Variants in CCPG1 observed in about 807,000 individuals in gnomAD.
CCPG1 encodes the protein cell cycle progression 1, also known as cell cycle progression protein 1.
Under a neutral mutation model 81.3 loss-of-function variants are expected in CCPG1, and 46 were observed. That is an observed-to-expected ratio of 0.57 (90% CI 0.45 to 0.72). The LOEUF is 0.72. Ranked by LOEUF, CCPG1 falls within the 30% of genes least tolerant of loss-of-function variation. The pLI is 0.00. For synonymous variants in CCPG1, 330 were observed against 305.2 expected, an observed-to-expected ratio of 1.08 and a Z score of -0.85; for missense variants, 902 against 937.6, an observed-to-expected ratio of 0.96 and a Z score of 0.50.
intron 3 of CCPG1, among the ~76,000 whole-genome samples, chr15:55,379,851 C>A (rs1346356990): frequency 1.3e-5 from 2 of 151,868 alleles, no homozygotes; most frequent in East Asian, 1.9e-4. Flanking sequence ...GTAATCCCAG[C>A]AGTTTGGGAG....
intron 3 of CCPG1, among the ~76,000 whole-genome samples, chr15:55,379,528 A>G (rs1475874783): frequency 6.6e-6 from 1 of 151,992 alleles, no homozygotes; most frequent in African/African-American, 2.4e-5. Context: ...CTATGTCTCA[A>G]AAAAAAGTCA....
In CCPG1 at chr15:55,355,343, A is replaced by T. The variant is rs1207809912; in HGVS notation, c.*877T>A. On this transcript the variant is annotated 3_prime_UTR_variant, in exon 9 of 9. Transcript: ENST00000442196. ...TAAAAGAACTGCTGTTTTCTTCCAC[A>T]CTCACTTGCCAGAGGGTCGAATTGG... 2.5e-6 allele frequency: 4 copies of T among 1,610,728 alleles called. No individual in the cohort carries two copies. The East Asian group carries it at 8.9e-5, about 36-fold the overall frequency.
intron 6 of CCPG1, 58 bp from the exon 7 acceptor site, chr15:55,365,367 A>C (rs2056300525): frequency 2.9e-6 from 3 of 1,034,462 alleles, no homozygotes; most frequent in South Asian, 1.5e-5. Flanking sequence ...TAAATGTTTT[A>C]TGTATTTTTT....
At chr15:55,394,093 A>G in intron 1 of CCPG1, among the ~76,000 whole-genome samples, 1 of 152,268 alleles carries the variant, frequency 6.6e-6, no homozygotes, top group South Asian at 2.1e-4. Flanking sequence ...AGGTTCAAGT[A>G]GATGCTCCCA....
At chr15:55,404,358 G>T (rs2057177977) in intron 1 of CCPG1, among the ~76,000 whole-genome samples, 1 of 152,102 alleles carries the variant, frequency 6.6e-6, no homozygotes, top group Non-Finnish European at 1.5e-5. Context: ...AAAGAAAAAT[G>T]TACTGTATAT....
chr15:55,381,485 T>C (rs2056694878), intron 3 of CCPG1, among the ~76,000 whole-genome samples: 1 of 152,088 alleles, frequency 6.6e-6, no homozygotes, highest in African/African-American at 2.4e-5. Flanking sequence ...TGCAAGTAAA[T>C]GCATTTCTTG....
At chr15:55,358,191 A>T in intron 8 of CCPG1, 1 of 222,008 alleles carries the variant, frequency 4.5e-6, no homozygotes, top group Non-Finnish European at 7.6e-6. Flanking sequence ...TTCTCAAGAG[A>T]AATAAAAGTA....
At chr15:55,380,805 G>A (rs1020525660) in intron 3 of CCPG1, among the ~76,000 whole-genome samples, 2 of 151,834 alleles carry the variant, frequency 1.3e-5, no homozygotes, top group South Asian at 4.2e-4. Context: ...ACGAGGTCAG[G>A]AGTTCAAGAC....
chr15:55,384,198 T>C (rs948527371), intron 3 of CCPG1, among the ~76,000 whole-genome samples: 3 of 151,890 alleles, frequency 2.0e-5, no homozygotes, highest in Non-Finnish European at 2.9e-5. Flanking sequence ...GGGAGAGAGA[T>C]GGGGGAATGG....
intron 6 of CCPG1, 49 bp from the exon 7 acceptor site, chr15:55,365,358 A>G (rs2056300349): frequency 9.0e-7 from 1 of 1,113,376 alleles, no homozygotes; most frequent in Admixed American, 2.3e-5. Flanking sequence ...TATTATCATT[A>G]AATGTTTTAT....
At chr15:55,389,658 T>G (rs142917206) in intron 1 of CCPG1, among the ~76,000 whole-genome samples, 15 of 152,286 alleles carry the variant, frequency 9.8e-5, no homozygotes, top group African/African-American at 3.4e-4. Flanking sequence ...TAGAACAGTC[T>G]CAACAGTTAT....
At position 55,360,909 on chromosome 15, in the gene CCPG1, A is replaced by C. The variant is rs371382453; in HGVS notation, c.864T>G (p.Leu288=). The C allele has an allele frequency of 2.5e-4, 396 of 1,586,412 alleles. No individual in the cohort carries two copies. The African/African-American group carries it at 5.1e-3, about 21-fold the overall frequency. Residue 288 remains leucine (L), a synonymous_variant, in exon 8 of 9, where the codon CTT becomes CTG. Coordinates refer to ENST00000442196, the MANE Select transcript of CCPG1 (RefSeq NM_001204450.2). ...CAAAGGACATCTTCTCTGCTTCAGT[A>C]AGTGTCCAACACCTTGCAAGATTTT... ...LKENLARCWT[L]TEAEKMSFET...
At chr15:55,375,232 G>C (rs62018136) in intron 5 of CCPG1, among the ~76,000 whole-genome samples, 35,107 of 152,026 alleles carry the variant, frequency 0.23, 5,173 homozygotes, top group Middle Eastern at 0.37. Context: ...TTTTGAGATG[G>C]TGCTGGGATT....
intron 1 of CCPG1, among the ~76,000 whole-genome samples, chr15:55,404,863 A>C (rs2057187651): frequency 6.6e-6 from 1 of 152,176 alleles, no homozygotes; most frequent in South Asian, 2.1e-4. Flanking sequence ...CGCATTCAGG[A>C]GATCGAGACC....
chr15:55,385,534 G>A, intron 3 of CCPG1, 66 bp downstream of exon 3: 2 of 781,730 alleles, frequency 2.6e-6, no homozygotes, highest in Middle Eastern at 2.5e-4. Flanking sequence ...CTGGAAAGAA[G>A]GCAAGACTCA....
intron 8 of CCPG1, 176 bp downstream of exon 8, chr15:55,359,363 T>A: frequency 7.3e-7 from 1 of 1,375,644 alleles, no homozygotes; most frequent in Non-Finnish European, 9.4e-7. Context: ...GTTCCATTTG[T>A]AACAGCTAAT....
intron 1 of CCPG1, among the ~76,000 whole-genome samples, chr15:55,406,299 T>C (rs1217489130): frequency 6.6e-6 from 1 of 151,612 alleles, no homozygotes; most frequent in Non-Finnish European, 1.5e-5. Context: ...GTGCTGTTAA[T>C]ACTTGCATCC....
intron 7 of CCPG1, among the ~76,000 whole-genome samples, chr15:55,363,799 C>CTTTTTTTTTTTTTTTTTTTTTTTT (rs565044184): frequency 1.1e-5 from 1 of 93,942 alleles, no homozygotes; most frequent in African/African-American, 4.5e-5. Flanking sequence ...TTTCCTTTTC[C>CTTTTTTTTTTTTTTTTTTTTTTTT]TTTTTTTTTT....
intron 3 of CCPG1, among the ~76,000 whole-genome samples, chr15:55,381,285 T>TAA (rs71105874): frequency 3.9e-4 from 58 of 148,014 alleles, no homozygotes; most frequent in African/African-American, 9.3e-4. Context: ...AAATAAAAAA[T>TAA]AAAAAAAAAA....
Sources: gnomAD v4.1 joint callset for allele counts (sites outside exome capture counted in the v4.1 genomes callset) on GRCh38, gnomAD v4.1.1 for gene constraint, MANE v1.5 for transcripts, NCBI Gene and HGNC (gene_info 2026-07-23, HGNC 2026-07-21) for gene names.